MAGI2: variants seen among roughly 807,000 people sequenced by gnomAD.
MAGI2 encodes membrane-associated guanylate kinase, WW and PDZ domain-containing protein 2.
A neutral mutation model predicts 133.3 loss-of-function variants in MAGI2; 35 were observed. The ratio of observed to expected loss-of-function variants is 0.26; its 90% CI spans 0.20 to 0.35. MAGI2 has a LOEUF of 0.35. Ranked by LOEUF, MAGI2 falls within the 10% of genes least tolerant of loss-of-function variation. The pLI is 1.00. For missense variants in MAGI2, 1,636 were observed against 1,863.4 expected (o/e 0.88, Z 2.25); for synonymous variants, 729 against 710.6 (o/e 1.03, Z -0.41).
chr7:79,266,078 C>T (rs1834435264), intron 1 of MAGI2, among the ~76,000 whole-genome samples: 1 of 152,088 alleles, frequency 6.6e-6, no homozygotes, highest in Non-Finnish European at 1.5e-5. Context: ...CTCACTACTT[C>T]ATGCAGTTAC....
At chr7:78,749,272 A>C (rs1389500433) in intron 2 of MAGI2, among the ~76,000 whole-genome samples, 2 of 152,148 alleles carry the variant, frequency 1.3e-5, no homozygotes, top group Non-Finnish European at 2.9e-5. Flanking sequence ...ATCTAAGTAG[A>C]GGGAAAAGGT....
At chr7:78,786,853 G>C (rs1457587763) in intron 2 of MAGI2, among the ~76,000 whole-genome samples, 1 of 152,128 alleles carries the variant, frequency 6.6e-6, no homozygotes, top group African/African-American at 2.4e-5. Context: ...GATTTGAGTT[G>C]CTTCCGCTCA....
At chr7:78,206,015 C>G (rs1018655482) in intron 10 of MAGI2, among the ~76,000 whole-genome samples, 2 of 152,146 alleles carry the variant, frequency 1.3e-5, no homozygotes, top group Admixed American at 6.5e-5. Context: ...TAGAGTGGCT[C>G]TTTTCAGAAC....
chr7:78,754,326 G>A (rs12673724), intron 2 of MAGI2, among the ~76,000 whole-genome samples: 42 of 151,716 alleles, frequency 2.8e-4, no homozygotes, highest in African/African-American at 7.3e-4. Flanking sequence ...AGCCATGATC[G>A]TACCACTGCA....
intron 18 of MAGI2, among the ~76,000 whole-genome samples, chr7:78,131,926 T>C (rs1452729977): frequency 6.6e-6 from 1 of 152,026 alleles, no homozygotes; most frequent in South Asian, 2.1e-4. Flanking sequence ...CAGGCTGGAG[T>C]GTAATGGGAA....
chr7:79,089,337 C>A (rs1171870241), intron 1 of MAGI2, among the ~76,000 whole-genome samples: 13 of 152,010 alleles, frequency 8.6e-5, no homozygotes, highest in African/African-American at 2.9e-4. Context: ...GAAATATGAA[C>A]GTTTTTACAC....
At chr7:78,640,378 G>C (rs1003370068) in intron 2 of MAGI2, among the ~76,000 whole-genome samples, 6 of 152,252 alleles carry the variant, frequency 3.9e-5, no homozygotes, top group Middle Eastern at 6.8e-3. Flanking sequence ...ATTATCATCA[G>C]AGAGTAAGGG....
intron 6 of MAGI2, among the ~76,000 whole-genome samples, chr7:78,411,278 A>G (rs1797850101): frequency 6.6e-6 from 1 of 152,026 alleles, no homozygotes; most frequent in Admixed American, 6.6e-5. Context: ...GCAGTAAGAT[A>G]GCATCTCGTA....
intron 1 of MAGI2, among the ~76,000 whole-genome samples, chr7:79,077,199 C>T (rs1815541461): frequency 6.6e-6 from 1 of 152,076 alleles, no homozygotes; most frequent in Non-Finnish European, 1.5e-5. Context: ...TTCCTATTTC[C>T]TAGCCCCCAT....
intron 1 of MAGI2, among the ~76,000 whole-genome samples, chr7:79,293,018 T>A (rs989379888): frequency 3.9e-5 from 6 of 152,190 alleles, no homozygotes; most frequent in African/African-American, 1.4e-4. Context: ...ACTCACTCTG[T>A]CCTACAGTGC....
chr7:78,156,159 A>G (rs1824366604), intron 16 of MAGI2, among the ~76,000 whole-genome samples: 1 of 152,148 alleles, frequency 6.6e-6, no homozygotes, highest in South Asian at 2.1e-4. Context: ...GGAAAACTGC[A>G]ATTCTAGCCT....
At chr7:78,796,439 A>G (rs1787621305) in intron 2 of MAGI2, among the ~76,000 whole-genome samples, 1 of 152,202 alleles carries the variant, frequency 6.6e-6, no homozygotes, top group Non-Finnish European at 1.5e-5. Context: ...ATGGGATATC[A>G]TCTCACTCCA....
chr7:79,180,038 A>C (rs1826473175), intron 1 of MAGI2, among the ~76,000 whole-genome samples: 1 of 152,068 alleles, frequency 6.6e-6, no homozygotes, highest in Admixed American at 6.6e-5. Context: ...ATAGGGGAGT[A>C]AAATCCTGAA....
intron 21 of MAGI2, among the ~76,000 whole-genome samples, chr7:78,036,056 C>CGT (rs3840613): frequency 1.3e-5 from 2 of 151,000 alleles, no homozygotes; most frequent in African/African-American, 2.4e-5. Context: ...TGTGTGTCTG[C>CGT]GTGTGTGTGT....
chr7:78,603,217 C>G (rs1198714807), intron 3 of MAGI2, among the ~76,000 whole-genome samples: 1 of 152,178 alleles, frequency 6.6e-6, no homozygotes, highest in Non-Finnish European at 1.5e-5. Context: ...GGAATAGGAT[C>G]TGGCTCAAAG....
intron 5 of MAGI2, among the ~76,000 whole-genome samples, chr7:78,493,765 AC>A (rs1252709629): frequency 6.6e-6 from 1 of 152,062 alleles, no homozygotes; most frequent in African/African-American, 2.4e-5. Flanking sequence ...TTAGAAACAG[AC>A]TTTTACCTAC....
chr7:78,452,850 A>AGTTAT (rs1453790093), intron 6 of MAGI2, among the ~76,000 whole-genome samples: 1 of 152,106 alleles, frequency 6.6e-6, no homozygotes. Flanking sequence ...GATGTAAAAA[A>AGTTAT]GTTATGTTAG....
chr7:78,929,011 C>T (rs983987454), intron 2 of MAGI2, among the ~76,000 whole-genome samples: 1 of 151,872 alleles, frequency 6.6e-6, no homozygotes, highest in Non-Finnish European at 1.5e-5. Context: ...AAGAGCAATG[C>T]TATAAGCTCT....
In MAGI2 at chr7:78,140,689, T is replaced by C. The variant is rs188631816; in HGVS notation, c.2846-5483A>G. On this transcript the variant is annotated intron_variant, in intron 16 of 21. Transcript: ENST00000354212. ...TCCAGTTGCTTTTCTTTCAATAATA[T>C]ACGTGAAAATTACCTTCTGTCTAGT... Among the ~76,000 whole-genome samples, 19 of 152,320 alleles carry C rather than the reference T, an allele frequency of 1.2e-4. 1 individual carries two copies. In the East Asian group the frequency reaches 3.3e-3, roughly 26 times the overall value.
Sources: gnomAD v4.1 joint callset for allele counts (sites outside exome capture counted in the v4.1 genomes callset) on GRCh38, gnomAD v4.1.1 for gene constraint, MANE v1.5 for transcripts, NCBI Gene and HGNC (gene_info 2026-07-23, HGNC 2026-07-21) for gene names.